RASGRF1: variants seen among roughly 807,000 people sequenced by gnomAD.
RASGRF1 encodes the protein Ras protein specific guanine nucleotide releasing factor 1.
In RASGRF1, 40 loss-of-function variants were observed where a neutral mutation model predicts 138.7. The observed-to-expected ratio is 0.29, with a 90% CI of 0.22 to 0.38. RASGRF1 has a LOEUF of 0.38. RASGRF1 is among the 10% of genes least tolerant of loss of function. The pLI is 1.00. For missense variants in RASGRF1, 1,108 were observed against 1,650.4 expected (o/e 0.67, Z 5.69); for synonymous variants, 614 against 663.2 (o/e 0.93, Z 1.14).
At chr15:79,049,667 A>G in intron 3 of RASGRF1, 79 bp from the exon 4 acceptor site, 1 of 1,268,280 alleles carries the variant, frequency 7.9e-7, no homozygotes, top group Non-Finnish European at 1.1e-6. Flanking sequence ...GGGTGGCAGG[A>G]ACAGGGTGGC....
chr15:79,003,075 TC>T (rs2056574519), intron 15 of RASGRF1, among the ~76,000 whole-genome samples: 2 of 152,258 alleles, frequency 1.3e-5, no homozygotes, highest in Admixed American at 1.3e-4. Context: ...GTAGGGAGGC[TC>T]CAGCCTGTCC....
At chr15:79,023,224 T>G (rs1170631360) in intron 10 of RASGRF1, among the ~76,000 whole-genome samples, 1 of 151,432 alleles carries the variant, frequency 6.6e-6, no homozygotes, top group Non-Finnish European at 1.5e-5. Flanking sequence ...CACAGTGTGT[T>G]CAGGCTTCCA....
chr15:78,999,319 C>A (rs1405906379), intron 17 of RASGRF1, among the ~76,000 whole-genome samples: 1 of 152,080 alleles, frequency 6.6e-6, no homozygotes, highest in Non-Finnish European at 1.5e-5. Flanking sequence ...CAAAGGCCTG[C>A]AGGATGGAAG....
chr15:78,963,351 G>A (rs1201326387), intron 26 of RASGRF1, among the ~76,000 whole-genome samples: 2 of 151,872 alleles, frequency 1.3e-5, no homozygotes, highest in Non-Finnish European at 2.9e-5. Flanking sequence ...GCCCAGTCTG[G>A]AGTGCAGTGG....
At chr15:79,033,558 A>ATCTTCT (rs753423699) in intron 6 of RASGRF1, among the ~76,000 whole-genome samples, 1 of 136,584 alleles carries the variant, frequency 7.3e-6, no homozygotes, top group East Asian at 2.2e-4. Flanking sequence ...GCCTTGAAAC[A>ATCTTCT]TCTTCTTCTT....
At chr15:79,002,529 T>C (rs543461744) in intron 15 of RASGRF1, among the ~76,000 whole-genome samples, 8 of 152,198 alleles carry the variant, frequency 5.3e-5, no homozygotes, top group African/African-American at 1.9e-4. Context: ...CGCACACACA[T>C]TTATACATAA....
chr15:79,017,531 C>T (rs553795125), intron 12 of RASGRF1, among the ~76,000 whole-genome samples: 20 of 152,254 alleles, frequency 1.3e-4, no homozygotes, highest in African/African-American at 4.8e-4. Flanking sequence ...CTAGGTGATA[C>T]AGATGCAAGA....
In RASGRF1 at chr15:79,056,513, A is replaced by G. The variant is rs981826594; in HGVS notation, c.531+1821T>C. On this transcript the variant is annotated intron_variant, in intron 3 of 26. Transcript: ENST00000558480. ...GGAAAGACTGGCAAGCAGACAGGAG[A>G]CCTGGGTTCCAGTCTCAGCTCTGCC... 1.5e-4 allele frequency among the ~76,000 whole-genome samples: 23 copies of G among 152,198 alleles called. No individual in the cohort carries two copies. The Middle Eastern group carries it at 0.014, about 90-fold the overall frequency.
chr15:79,074,421 G>C (rs1004566437), intron 1 of RASGRF1, among the ~76,000 whole-genome samples: 14 of 152,324 alleles, frequency 9.2e-5, no homozygotes, highest in South Asian at 8.3e-4. Flanking sequence ...AGATACATCC[G>C]AACCTGGCTT....
intron 1 of RASGRF1, among the ~76,000 whole-genome samples, chr15:79,077,383 C>T (rs1390724840): frequency 6.6e-6 from 1 of 152,206 alleles, no homozygotes; most frequent in Non-Finnish European, 1.5e-5. Context: ...ATTGTGGGAG[C>T]TCCTCGTTCA....
chr15:79,063,920 T>C (rs561224300), intron 2 of RASGRF1, among the ~76,000 whole-genome samples: 1 of 152,218 alleles, frequency 6.6e-6, no homozygotes, highest in Admixed American at 6.5e-5. Flanking sequence ...CCAGGGAGTC[T>C]CCCTACAGGG....
rs1436914424 is a variant in RASGRF1 at position 79,006,558 on chromosome 15, C to A, written c.1827-124G>T. The A allele has an allele frequency of 1.4e-5, 17 of 1,226,348 alleles. No homozygotes were observed. The highest frequency in any genetic ancestry group is 1.0e-4 in the Admixed American group (4 of 39,786). The allele number at this position is 1,226,348 out of a possible 1,614,324, so 76.0% of individuals were successfully genotyped here. ...ACACAGGATGGTCTTATTAAGAGAACAAGCTTGGGAAGGATGACACTGAAG... is the reference window on the plus strand; with the variant it reads ...ACACAGGATGGTCTTATTAAGAGAAAAAGCTTGGGAAGGATGACACTGAAG... On this transcript the variant is annotated intron_variant, in intron 13 of 26. Transcript: ENST00000558480. The surrounding 1 kb of genome is among the most constrained non-coding windows in gnomAD (Gnocchi z 4.0).
intron 26 of RASGRF1, among the ~76,000 whole-genome samples, chr15:78,969,011 C>T (rs1482270494): frequency 2.6e-5 from 4 of 152,204 alleles, no homozygotes; most frequent in Non-Finnish European, 5.9e-5. Context: ...GGCCCATTGA[C>T]TACAAATCCC....
intron 22 of RASGRF1, among the ~76,000 whole-genome samples, chr15:78,989,245 A>C (rs552490986): frequency 6.6e-6 from 1 of 152,272 alleles, no homozygotes; most frequent in South Asian, 2.1e-4. Context: ...TTAGTGTGCC[A>C]ATCAGAGTCA....
At chr15:79,061,428 A>ATATATATATATATATATATATATATATC (rs1301462313) in intron 2 of RASGRF1, among the ~76,000 whole-genome samples, 1 of 147,312 alleles carries the variant, frequency 6.8e-6, no homozygotes, top group Non-Finnish European at 1.5e-5. Context: ...ATATATATAT[A>ATATATATATATATATATATATATATATC]TATCATTCAT....
intron 16 of RASGRF1, among the ~76,000 whole-genome samples, chr15:79,000,177 C>G (rs1399009653): frequency 4.6e-5 from 7 of 152,186 alleles, no homozygotes; most frequent in African/African-American, 1.7e-4. Flanking sequence ...TCCAGTCACC[C>G]CGTCCATCTT....
intron 13 of RASGRF1, chr15:79,012,357 A>G (rs1035186108): frequency 1.4e-6 from 1 of 693,402 alleles, no homozygotes; most frequent in Non-Finnish European, 2.5e-6. Flanking sequence ...TAGATCTATC[A>G]CTCATCTTCT....
chr15:79,036,923 T>A (rs546807269), intron 5 of RASGRF1, among the ~76,000 whole-genome samples: 4 of 152,058 alleles, frequency 2.6e-5, no homozygotes, highest in Admixed American at 2.6e-4. Context: ...CCGAAACCAA[T>A]GCGAACTTAA....
At position 78,973,390 on chromosome 15, in the gene RASGRF1, C is replaced by A; in HGVS notation, c.3525G>T (p.Gly1175=). 6.2e-7 allele frequency: 1 copy of A among 1,613,618 alleles called. No homozygotes were observed. Among genetic ancestry groups the A allele is most frequent in the Non-Finnish European group, 8.5e-7 (1 of 1,179,678 alleles). Residue 1175 remains glycine (G), a synonymous_variant, in exon 25 of 27, where the codon GGG becomes GGT. Transcript: ENST00000558480. The surrounding 1 kb of genome is among the most constrained non-coding windows in gnomAD (Gnocchi z 4.9). ...NCDPPCVPYL[G]MYLTDLAFIE... is the part of the protein sequence containing the mutation. ...TGAAGGCCAGGTCGGTGAGGTACAT[C>A]CCCAGGTAAGGGACACAGGGTGGGT... is the stretch of plus-strand genomic sequence containing the variant.
Sources: gnomAD v4.1 joint callset for allele counts (sites outside exome capture counted in the v4.1 genomes callset) on GRCh38, gnomAD v4.1.1 for gene constraint, Gnocchi (gnomAD v3.1) non-coding constraint, MANE v1.5 for transcripts, NCBI Gene and HGNC (gene_info 2026-07-23, HGNC 2026-07-21) for gene names.